The following CEP85L variants were observed in gnomAD, a reference collection of about 807,000 sequenced individuals.
CEP85L encodes the protein centrosomal protein of 85 kDa-like.
A neutral mutation model predicts 100.3 loss-of-function variants in CEP85L; 60 were observed. The ratio of observed to expected loss-of-function variants is 0.60; its 90% confidence interval spans 0.49 to 0.74. CEP85L has a LOEUF of 0.74. CEP85L is among the 30% of genes least tolerant of loss of function. The probability of loss-of-function intolerance (pLI) is 0.00; values close to 1 mark genes in which losing one functional copy is unlikely to be tolerated. For missense variants in CEP85L, 973 were observed against 936.2 expected (o/e 1.04, Z -0.51); for synonymous variants, 319 against 322.7 (o/e 0.99, Z 0.12).
At position 118,619,588 on chromosome 6, in the gene CEP85L, G is replaced by A. The variant is rs566396208; in HGVS notation, c.232+12865C>T. Among the ~76,000 whole-genome samples, 52 of 152,230 alleles carry A rather than the reference G, an allele frequency of 3.4e-4. No individual in the cohort carries two copies. The South Asian group carries it at 9.7e-3, about 29-fold the overall frequency. ...GTTAGAGGCACACCGAAAAGAAAAC[G>A]TAAACTCCGCGAACCAGGCGCCCAA... is the stretch of plus-strand genomic sequence containing the variant. On this transcript the variant is annotated intron_variant, in intron 2 of 12. Transcript: ENST00000368491.
chr6:118,491,931 G>A (rs1774605771), intron 5 of CEP85L, 66 bp from the exon 6 acceptor site: 1 of 1,239,030 alleles, frequency 8.1e-7, no homozygotes, highest in African/African-American at 1.5e-5. Context: ...TGAAGAAATT[G>A]GAAATGAAGT....
chr6:118,529,962 T>C (rs1364532452), intron 3 of CEP85L, among the ~76,000 whole-genome samples: 1 of 152,158 alleles, frequency 6.6e-6, no homozygotes, highest in Non-Finnish European at 1.5e-5. Context: ...TGCACAATAC[T>C]GGCTAACATG....
intron 2 of CEP85L, among the ~76,000 whole-genome samples, chr6:118,628,603 C>A (rs972870940): frequency 2.2e-4 from 34 of 151,240 alleles, no homozygotes; most frequent in Admixed American, 2.2e-3. Flanking sequence ...CCACTACACT[C>A]TAGCCTGGGC....
chr6:118,592,142 G>A (rs1781222807), intron 2 of CEP85L, among the ~76,000 whole-genome samples: 1 of 152,116 alleles, frequency 6.6e-6, no homozygotes, highest in Non-Finnish European at 1.5e-5. Context: ...TCAATCTAGT[G>A]TTACCTATAT....
rs1774604677 is a variant in CEP85L at position 118,491,919 on chromosome 6, T to G, written c.1258-54A>C. ...ACTTTAAAAGTTTGTCTTGAACAAA[T>G]GTGAAGAAATTGGAAATGAAGTATA... On this transcript the variant is annotated intron_variant, in intron 5 of 12. Transcript: ENST00000368491. 3.7e-6 allele frequency: 5 copies of G among 1,366,352 alleles called. No individual in the cohort carries two copies. In the South Asian group the frequency reaches 6.9e-5, roughly 19 times the overall value. The allele number at this position is 1,366,352 out of a possible 1,614,324, so 84.6% of individuals were successfully genotyped here.
intron 3 of CEP85L, among the ~76,000 whole-genome samples, chr6:118,547,155 G>A (rs886528242): frequency 6.6e-6 from 1 of 152,036 alleles, no homozygotes; most frequent in Non-Finnish European, 1.5e-5. Context: ...TTAAAGAAGA[G>A]ATTTAAGAAT....
intron 2 of CEP85L, among the ~76,000 whole-genome samples, chr6:118,570,758 G>T (rs1302219616): frequency 6.6e-6 from 1 of 152,026 alleles, no homozygotes; most frequent in Non-Finnish European, 1.5e-5. Context: ...TTCCATATGG[G>T]TCTGATTCCA....
At chr6:118,492,665 T>C (rs561241009) in intron 5 of CEP85L, among the ~76,000 whole-genome samples, 55 of 152,226 alleles carry the variant, frequency 3.6e-4, no homozygotes, top group African/African-American at 1.3e-3. Flanking sequence ...AAAGAGGTTA[T>C]TTTTCCATTT....
chr6:118,591,999 G>C (rs914791875), intron 2 of CEP85L, among the ~76,000 whole-genome samples: 1 of 152,052 alleles, frequency 6.6e-6, no homozygotes, highest in Non-Finnish European at 1.5e-5. Context: ...TTGAAATTAC[G>C]ATTTCACAAG....
chr6:118,570,959 AATT>A (rs1472842400), intron 2 of CEP85L, among the ~76,000 whole-genome samples: 1 of 151,986 alleles, frequency 6.6e-6, no homozygotes, highest in Non-Finnish European at 1.5e-5. Flanking sequence ...ATGAAAAAAG[AATT>A]ATTTGAAAGA....
chr6:118,600,370 T>TGTGTGTGTGTGTGG lies in CEP85L; in HGVS notation c.232+32082_232+32083insCCACACACACACAC, dbSNP rs58066356. On this transcript the variant is annotated intron_variant, in intron 2 of 12. Transcript: ENST00000368491. ...GTGTGTGTGTGTGTGTGTGTGTGTGTAACGCCATGGAGCAATCTCAGCTCA... is the reference window on the plus strand; with the variant it reads ...GTGTGTGTGTGTGTGTGTGTGTGTGTGTGTGTGTGTGTGGAACGCCATGGAGCAATCTCAGCTCA... 3.4e-3 allele frequency among the ~76,000 whole-genome samples: 290 copies of TGTGTGTGTGTGTGG among 86,424 alleles called. 58 individuals are homozygous for TGTGTGTGTGTGTGG. The highest frequency in any genetic ancestry group is 4.9e-3 in the African/African-American group (117 of 23,958). 56.7% of individuals were successfully genotyped at this position (86,424 alleles called of 152,430 possible).
At chr6:118,554,178 C>T (rs898423701) in intron 3 of CEP85L, among the ~76,000 whole-genome samples, 2 of 152,090 alleles carry the variant, frequency 1.3e-5, no homozygotes, top group Admixed American at 6.5e-5. Context: ...GTCTCAGCTA[C>T]TCAGGAGGCT....
intron 2 of CEP85L, among the ~76,000 whole-genome samples, chr6:118,623,505 C>T (rs1773583753): frequency 6.6e-6 from 1 of 152,196 alleles, no homozygotes; most frequent in Admixed American, 6.5e-5. Context: ...ATTTCCAAGG[C>T]ACTAGGAATA....
intron 5 of CEP85L, among the ~76,000 whole-genome samples, chr6:118,497,425 G>A (rs897953246): frequency 1.3e-5 from 2 of 152,138 alleles, no homozygotes; most frequent in African/African-American, 4.8e-5. Flanking sequence ...TCTAGTTGTG[G>A]AAAACAAGCT....
intron 3 of CEP85L, among the ~76,000 whole-genome samples, chr6:118,528,869 C>T (rs965564080): frequency 2.6e-5 from 4 of 152,070 alleles, no homozygotes; most frequent in Non-Finnish European, 5.9e-5. Flanking sequence ...GGCAACTATA[C>T]CTTTATGATT....
chr6:118,680,854 C>T (rs373419331), intron 1 of CEP85L, among the ~76,000 whole-genome samples: 26 of 148,708 alleles, frequency 1.7e-4, no homozygotes, highest in East Asian at 1.6e-3. Flanking sequence ...CCAGCCTGGG[C>T]GACACAGTGA....
intron 2 of CEP85L, among the ~76,000 whole-genome samples, chr6:118,581,868 A>T (rs1780595989): frequency 6.6e-6 from 1 of 152,126 alleles, no homozygotes; most frequent in Non-Finnish European, 1.5e-5. Flanking sequence ...TATCTTGGGG[A>T]CAGATAAACC....
chr6:118,659,458 T>G (rs1473577923), intron 1 of CEP85L, among the ~76,000 whole-genome samples: 2 of 152,194 alleles, frequency 1.3e-5, no homozygotes, highest in Non-Finnish European at 2.9e-5. Flanking sequence ...TTTAGCAAAG[T>G]TGGGCAAGTT....
Position 118,674,296 on chromosome 6 carries a change from C to T in CEP85L, c.-27-21488G>A, listed in dbSNP as rs544392539. 3.3e-5 allele frequency among the ~76,000 whole-genome samples: 5 copies of T among 152,248 alleles called. 1 individual carries two copies. Among genetic ancestry groups the T allele is most frequent in the African/African-American group, 1.2e-4 (5 of 41,550 alleles). On this transcript the variant is annotated intron_variant, in intron 1 of 13. Transcript: ENST00000368488. Reference sequence around the variant, plus strand: ...ATCCCAGCACTTTGGGAGGCCAAGGCGGGTGGATCACAAGATCAGGAGTTC... The same window carrying T: ...ATCCCAGCACTTTGGGAGGCCAAGGTGGGTGGATCACAAGATCAGGAGTTC...
Sources: gnomAD v4.1 joint callset for allele counts (sites outside exome capture counted in the v4.1 genomes callset) on GRCh38, gnomAD v4.1.1 for gene constraint, MANE v1.5 for transcripts, NCBI Gene and HGNC (gene_info 2026-07-23, HGNC 2026-07-21) for gene names.